MGST1: variants seen among roughly 807,000 people sequenced by gnomAD.
MGST1 encodes microsomal glutathione S-transferase 1.
In MGST1, 5 loss-of-function variants were observed where a neutral mutation model predicts 8.9. The observed-to-expected ratio is 0.56, with a 90% CI of 0.29 to 1.19. MGST1 has a LOEUF of 1.19. Ranked by LOEUF, MGST1 falls within the 50% of genes most tolerant of loss-of-function variation. The pLI, the probability that MGST1 is intolerant of heterozygous loss-of-function variation, is 0.08. For synonymous variants in MGST1, 54 were observed against 67.8 expected (o/e 0.80, Z 1.00); for missense variants, 182 against 187.4 (o/e 0.97, Z 0.17).
In MGST1 at chr12:16,363,765, A is replaced by G; in HGVS notation, c.222-30A>G. ...GATACATATCTAGTATTTTGAAATT[A>G]GTGTCTTTAATAGTTATCTTTTTCC... On this transcript the variant is annotated intron_variant, in intron 3 of 3. Coordinates refer to ENST00000396210, the MANE Select transcript of MGST1 (RefSeq NM_020300.5). This position sits in a 1 kb window ranked among gnomAD's most constrained non-coding sequence, Gnocchi z 4.6. The G allele has an allele frequency of 6.6e-7, 1 of 1,510,154 alleles. No individual in the cohort carries two copies. Among genetic ancestry groups the G allele is most frequent in the Non-Finnish European group, 9.0e-7 (1 of 1,115,926 alleles). 93.5% of individuals were successfully genotyped at this position (1,510,154 alleles called of 1,614,324 possible).
chr12:16,460,367 G>A (rs1941208997), intron 4 of MGST1, among the ~76,000 whole-genome samples: 1 of 152,136 alleles, frequency 6.6e-6, no homozygotes, highest in Admixed American at 6.6e-5. Context: ...TGGCTGGTGG[G>A]AGGGTTAGAG....
chr12:16,540,552 C>T (rs1941786758), intron 4 of MGST1, among the ~76,000 whole-genome samples: 1 of 152,242 alleles, frequency 6.6e-6, no homozygotes, highest in South Asian at 2.1e-4. Context: ...AAATTATCTT[C>T]TCTATAGACA....
chr12:16,387,146 C>T (rs985332918), intron 1 of MGST1, among the ~76,000 whole-genome samples: 1 of 151,796 alleles, frequency 6.6e-6, no homozygotes, highest in African/African-American at 2.4e-5. Flanking sequence ...TTTATTGTGC[C>T]TAATTTATAA....
intron 4 of MGST1, chr12:16,551,378 C>G (rs2137245027): frequency 9.2e-7 from 1 of 1,090,706 alleles, no homozygotes; most frequent in Middle Eastern, 2.0e-4. Flanking sequence ...TCACTTGGAT[C>G]TAGAAATTTG....
chr12:16,401,347 C>A lies in MGST1; in HGVS notation n.778+17743C>A. ...ATTTTTACTATTGATTACTAGGAAG[C>A]TTTCATGGAATTCAATTCCCACCCC... On this transcript the variant is annotated intron_variant and non_coding_transcript_variant, in intron 1 of 1. Transcript: ENST00000359720. This position sits in a 1 kb window ranked among gnomAD's most constrained non-coding sequence, Gnocchi z 4.3. The A allele has an allele frequency of 7.6e-7, 1 of 1,307,218 alleles. No homozygotes were observed. Among genetic ancestry groups the A allele is most frequent in the African/African-American group, 1.5e-5 (1 of 68,878 alleles). The allele number at this position is 1,307,218 out of a possible 1,614,324, so 81.0% of individuals were successfully genotyped here.
intron 4 of MGST1, among the ~76,000 whole-genome samples, chr12:16,463,551 C>A (rs1941234734): frequency 6.6e-6 from 1 of 150,714 alleles, no homozygotes. Flanking sequence ...ACCTCTGCAG[C>A]AAACCTGCAC....
chr12:16,494,209 T>G (rs1941456486), intron 4 of MGST1, among the ~76,000 whole-genome samples: 1 of 152,192 alleles, frequency 6.6e-6, no homozygotes, highest in African/African-American at 2.4e-5. Flanking sequence ...ACCACTGTCC[T>G]TCACATGCTT....
At chr12:16,581,624 C>T (rs900641038) in intron 4 of MGST1, among the ~76,000 whole-genome samples, 2 of 152,154 alleles carry the variant, frequency 1.3e-5, no homozygotes, top group Non-Finnish European at 2.9e-5. Flanking sequence ...TTAAAACAAA[C>T]ACTCAAAATT....
chr12:16,517,372 T>G lies in MGST1; in HGVS notation n.483-72156T>G, dbSNP rs1171414449. ...TAATGTTGTTATCACAGGAGTGAAT[T>G]TGTTATAAAAGTAAGTTTGGCTTCC... On this transcript the variant is annotated intron_variant and non_coding_transcript_variant, in intron 4 of 4. Transcript: ENST00000538857. This position sits in a 1 kb window ranked among gnomAD's most constrained non-coding sequence, Gnocchi z 4.2. Among the ~76,000 whole-genome samples, 2 of 152,118 alleles carry G rather than the reference T, an allele frequency of 1.3e-5. No individual in the cohort carries two copies. Among genetic ancestry groups the G allele is most frequent in the Non-Finnish European group, 2.9e-5 (2 of 68,016 alleles).
At chr12:16,425,568 G>A (rs931484305) in intron 1 of MGST1, among the ~76,000 whole-genome samples, 7 of 152,148 alleles carry the variant, frequency 4.6e-5, no homozygotes, top group African/African-American at 1.7e-4. Context: ...ACAAGTGTGG[G>A]CCACCGTGCT....
intron 4 of MGST1, among the ~76,000 whole-genome samples, chr12:16,476,305 C>A (rs1340991888): frequency 6.6e-6 from 1 of 152,188 alleles, no homozygotes; most frequent in Non-Finnish European, 1.5e-5. Flanking sequence ...TTACCACCAA[C>A]TAAATCAACA....
chr12:16,515,112 T>A (rs959322360), intron 4 of MGST1, among the ~76,000 whole-genome samples: 1 of 152,204 alleles, frequency 6.6e-6, no homozygotes, highest in African/African-American at 2.4e-5. Flanking sequence ...TGTCCTCTCA[T>A]CATGGAGCAA....
chr12:16,552,369 A>T (rs1035633231), intron 4 of MGST1, among the ~76,000 whole-genome samples: 1 of 152,054 alleles, frequency 6.6e-6, no homozygotes, highest in Non-Finnish European at 1.5e-5. Context: ...AGTCAATTTC[A>T]AATGATGTTC....
intron 4 of MGST1, among the ~76,000 whole-genome samples, chr12:16,532,680 G>C (rs7308984): frequency 0.97 from 147,225 of 152,212 alleles, 71,393 homozygotes; most frequent in East Asian, 1. Context: ...GGTTTTTATT[G>C]CAAACCTGGA....
At chr12:16,429,046 T>C (rs950905938) in intron 1 of MGST1, among the ~76,000 whole-genome samples, 12 of 152,132 alleles carry the variant, frequency 7.9e-5, no homozygotes, top group African/African-American at 2.9e-4. Flanking sequence ...CTTTTTTCTC[T>C]TACCTTTGCT....
At chr12:16,529,950 A>C (rs531693580) in intron 4 of MGST1, among the ~76,000 whole-genome samples, 3 of 152,098 alleles carry the variant, frequency 2.0e-5, no homozygotes, top group East Asian at 1.9e-4. Flanking sequence ...AATCAAGAAG[A>C]CTCCTTCCAT....
At chr12:16,434,541 A>G (rs1940967023) in intron 1 of MGST1, among the ~76,000 whole-genome samples, 1 of 151,924 alleles carries the variant, frequency 6.6e-6, no homozygotes, top group African/African-American at 2.4e-5. Context: ...ACTCTTAGGA[A>G]ATTATACTAT....
Position 16,364,220 on chromosome 12 carries a change from G to T in MGST1, c.*179G>T. The T allele has an allele frequency of 2.3e-6, 3 of 1,280,712 alleles. No homozygotes were observed. Among genetic ancestry groups the T allele is most frequent in the Non-Finnish European group, 3.0e-6 (3 of 1,012,984 alleles). 79.3% of individuals were successfully genotyped at this position (1,280,712 alleles called of 1,614,324 possible). Reference sequence around the variant, plus strand: ...GTATTCTTGTTTTACATTTGGATTAGAAATTTAACATAGTAATTCTTAAGT... The same window carrying T: ...GTATTCTTGTTTTACATTTGGATTATAAATTTAACATAGTAATTCTTAAGT... On this transcript the variant is annotated 3_prime_UTR_variant, in exon 4 of 4. Coordinates refer to ENST00000396210, the MANE Select transcript of MGST1 (RefSeq NM_020300.5). The surrounding 1 kb of genome is among the most constrained non-coding windows in gnomAD (Gnocchi z 5.7).
intron 1 of MGST1, among the ~76,000 whole-genome samples, chr12:16,390,101 C>A (rs774149341): frequency 6.6e-6 from 1 of 151,800 alleles, no homozygotes; most frequent in Non-Finnish European, 1.5e-5. Flanking sequence ...CAAAGACTGA[C>A]ATTTACACAT....
Sources: gnomAD v4.1 joint callset for allele counts (sites outside exome capture counted in the v4.1 genomes callset) on GRCh38, gnomAD v4.1.1 for gene constraint, Gnocchi (gnomAD v3.1) non-coding constraint, MANE v1.5 for transcripts, NCBI Gene and HGNC (gene_info 2026-07-23, HGNC 2026-07-21) for gene names.